The following VTI1A variants were observed in gnomAD, a reference collection of about 807,000 sequenced individuals.
The protein encoded by VTI1A is vesicle transport through interaction with t-SNAREs homolog 1A.
A neutral mutation model predicts 34.9 loss-of-function variants in VTI1A; 22 were observed. The ratio of observed to expected loss-of-function variants is 0.63; its 90% CI spans 0.45 to 0.90. VTI1A has a LOEUF of 0.90. VTI1A is among the 40% of genes least tolerant of loss of function. The pLI is 0.00. For missense variants in VTI1A, 268 were observed against 275.6 expected, an observed-to-expected ratio of 0.97 and a Z score of 0.20; for synonymous variants, 87 against 97.3, an observed-to-expected ratio of 0.89 and a Z score of 0.62.
At chr10:112,587,743 A>G (rs781403559) in intron 5 of VTI1A, among the ~76,000 whole-genome samples, 68 of 152,282 alleles carry the variant, frequency 4.5e-4, no homozygotes, top group Admixed American at 1.0e-3. Context: ...ATAAAAATAG[A>G]TTACAAAAAA....
intron 5 of VTI1A, among the ~76,000 whole-genome samples, chr10:112,578,448 A>C (rs1843795241): frequency 6.6e-6 from 1 of 152,236 alleles, no homozygotes; most frequent in Non-Finnish European, 1.5e-5. Context: ...TTTGGAGGGC[A>C]GAAAATACTG....
intron 3 of VTI1A, among the ~76,000 whole-genome samples, chr10:112,512,795 G>T (rs187600938): frequency 6.6e-6 from 1 of 152,094 alleles, no homozygotes; most frequent in Non-Finnish European, 1.5e-5. Context: ...ATTTATTGAA[G>T]AGCAAGTCCT....
intron 3 of VTI1A, among the ~76,000 whole-genome samples, chr10:112,500,801 A>G (rs111435918): frequency 1.3e-5 from 2 of 152,184 alleles, no homozygotes; most frequent in African/African-American, 4.8e-5. Flanking sequence ...TTGCCCATAC[A>G]TGCTAAAGCT....
intron 5 of VTI1A, among the ~76,000 whole-genome samples, chr10:112,546,028 ACGCGTATG>A (rs1851088395): frequency 7.2e-6 from 1 of 138,666 alleles, no homozygotes; most frequent in African/African-American, 3.1e-5. Flanking sequence ...ATACGTGTAT[ACGCGTATG>A]TGTGTGTATA....
chr10:112,666,588 A>G (rs1394082782), intron 5 of VTI1A, among the ~76,000 whole-genome samples: 3 of 152,160 alleles, frequency 2.0e-5, no homozygotes, highest in Non-Finnish European at 4.4e-5. Context: ...AATGCTCTGA[A>G]TCTTACATAC....
At chr10:112,525,556 G>A (rs1850193896) in intron 3 of VTI1A, among the ~76,000 whole-genome samples, 1 of 152,162 alleles carries the variant, frequency 6.6e-6, no homozygotes, top group Admixed American at 6.5e-5. Flanking sequence ...TCCCTAAAAA[G>A]CAAAGGAATG....
chr10:112,688,567 G>A (rs1442621520), intron 7 of VTI1A, among the ~76,000 whole-genome samples: 1 of 146,398 alleles, frequency 6.8e-6, no homozygotes, highest in Non-Finnish European at 1.5e-5. Context: ...TGTTGCCCAG[G>A]CTAAAGTGCA....
chr10:112,477,776 A>G (rs1296868911), intron 3 of VTI1A, among the ~76,000 whole-genome samples: 13 of 152,206 alleles, frequency 8.5e-5, no homozygotes, highest in Admixed American at 8.5e-4. Flanking sequence ...TTTTTATCTG[A>G]TACCTTTTGA....
intron 3 of VTI1A, among the ~76,000 whole-genome samples, chr10:112,519,836 T>A (rs1257848581): frequency 1.3e-5 from 2 of 152,064 alleles, no homozygotes; most frequent in Non-Finnish European, 2.9e-5. Flanking sequence ...TCAGGATAAC[T>A]TGTTCTTGGA....
intron 5 of VTI1A, among the ~76,000 whole-genome samples, chr10:112,642,151 C>T (rs997398052): frequency 4.6e-5 from 7 of 152,098 alleles, no homozygotes; most frequent in Admixed American, 2.6e-4. Context: ...GAATGTAGAC[C>T]GCATCTGGTT....
chr10:112,755,264 GAAA>G (rs1424274594), intron 7 of VTI1A, among the ~76,000 whole-genome samples: 1 of 97,058 alleles, frequency 1.0e-5, no homozygotes. Flanking sequence ...AAAAAAAAAA[GAAA>G]GAAAGAAAGA....
chr10:112,559,801 A>C (rs1440852470), intron 5 of VTI1A, among the ~76,000 whole-genome samples: 1 of 152,224 alleles, frequency 6.6e-6, no homozygotes, highest in Non-Finnish European at 1.5e-5. Context: ...AAAAGCATTC[A>C]TGTACCCCAG....
intron 7 of VTI1A, among the ~76,000 whole-genome samples, chr10:112,797,418 C>A (rs951927233): frequency 3.9e-5 from 6 of 152,178 alleles, no homozygotes; most frequent in African/African-American, 1.4e-4. Context: ...GTCGTTAAGA[C>A]AATTGCTGTA....
intron 3 of VTI1A, among the ~76,000 whole-genome samples, chr10:112,490,992 G>A (rs1589824535): frequency 6.7e-6 from 1 of 148,212 alleles, no homozygotes; most frequent in Non-Finnish European, 1.5e-5. Context: ...GTTTATTTCT[G>A]TGGTGTTTCT....
At chr10:112,634,514 T>TACACACACACAC (rs10545562) in intron 5 of VTI1A, among the ~76,000 whole-genome samples, 1 of 144,226 alleles carries the variant, frequency 6.9e-6, no homozygotes, top group Non-Finnish European at 1.5e-5. Context: ...CACACACACA[T>TACACACACACAC]ACACACACAC....
intron 5 of VTI1A, chr10:112,548,544 A>C: frequency 1.5e-6 from 1 of 677,778 alleles, no homozygotes. Flanking sequence ...AATTGAAACA[A>C]ACAGTTCTGA....
the VTI1A span, chr10:112,827,057 T>TA: frequency 6.6e-6 from 1 of 152,212 alleles, no homozygotes; most frequent in African/African-American, 2.4e-5. Context: ...AATATCATGT[T>TA]AAAGTTTTGG....
At chr10:112,551,709 A>C (rs765148147) in intron 5 of VTI1A, among the ~76,000 whole-genome samples, 1 of 152,182 alleles carries the variant, frequency 6.6e-6, no homozygotes, top group African/African-American at 2.4e-5. Context: ...AGGAGGGTAG[A>C]GGAGGTAATT....
At chr10:112,849,640 TTTAAA>T in the VTI1A span, among the ~76,000 whole-genome samples, 90 of 152,350 alleles carry the variant, frequency 5.9e-4, 4 homozygotes, top group South Asian at 0.015. Context: ...TTCTTGTCAC[TTTAAA>T]TTAACTCTAG....
Sources: allele counts gnomAD v4.1 joint callset (sites outside exome capture counted in the v4.1 genomes callset), GRCh38; gene constraint gnomAD v4.1.1; transcripts MANE v1.5; gene names NCBI Gene and HGNC (gene_info 2026-07-23, HGNC 2026-07-21).